Variants in ZMYM4 observed in about 807,000 individuals in gnomAD.
The protein encoded by ZMYM4 is zinc finger MYM-type containing 4, also known as zinc finger MYM-type protein 4.
In ZMYM4, 31 loss-of-function variants were observed where a neutral mutation model predicts 183.2. The ratio of observed to expected loss-of-function variants is 0.17; its 90% CI spans 0.13 to 0.23. The LOEUF is 0.23. Ranked by LOEUF, ZMYM4 falls within the 10% of genes least tolerant of loss-of-function variation. The probability of loss-of-function intolerance (pLI) is 1.00; values close to 1 mark genes in which losing one functional copy is unlikely to be tolerated. For synonymous variants in ZMYM4, 592 were observed against 631.2 expected (o/e 0.94, Z 0.93); for missense variants, 1,273 against 1,840.3 (o/e 0.69, Z 5.64).
At chr1:35,391,490 G>T (rs1173484831) in intron 15 of ZMYM4, among the ~76,000 whole-genome samples, 1 of 152,026 alleles carries the variant, frequency 6.6e-6, no homozygotes, top group African/African-American at 2.4e-5. Context: ...AAGAATTTAA[G>T]TGTAGTCTCC....
intron 2 of ZMYM4, among the ~76,000 whole-genome samples, chr1:35,346,122 T>G (rs1643382733): frequency 6.6e-6 from 1 of 152,240 alleles, no homozygotes; most frequent in South Asian, 2.1e-4. Context: ...TTCCTTTCTT[T>G]TTAAGGCTGA....
At chr1:35,341,485 T>C (rs1643199184) in intron 2 of ZMYM4, among the ~76,000 whole-genome samples, 1 of 152,094 alleles carries the variant, frequency 6.6e-6, no homozygotes, top group Admixed American at 6.5e-5. Context: ...AGTTGTTCTT[T>C]AGTACTTTGA....
At chr1:35,320,240 G>A (rs1405732453) in intron 1 of ZMYM4, among the ~76,000 whole-genome samples, 2 of 152,132 alleles carry the variant, frequency 1.3e-5, no homozygotes, top group Non-Finnish European at 2.9e-5. Flanking sequence ...ATGACTAGAG[G>A]GCTAAACATC....
intron 28 of ZMYM4, 90 bp from the exon 29 acceptor site, chr1:35,418,353 C>A: frequency 7.1e-7 from 1 of 1,412,068 alleles, no homozygotes; most frequent in South Asian, 1.4e-5. Context: ...TGACAAAGTT[C>A]TGGCTGCGAA....
In ZMYM4 at chr1:35,397,565, G is replaced by A; in HGVS notation, c.3199+20G>A. ...AGGGAGGTTGGTATACTCTTTAAAA[G>A]TAAAGAAAGAAAAAACACGTTTTAC... On this transcript the variant is annotated intron_variant, in intron 20 of 29. Transcript: ENST00000314607. The A allele has an allele frequency of 6.4e-7, 1 of 1,566,654 alleles. No homozygotes were observed. Among genetic ancestry groups the A allele is most frequent in the South Asian group, 1.2e-5 (1 of 82,162 alleles).
intron 2 of ZMYM4, among the ~76,000 whole-genome samples, chr1:35,348,748 GTGTT>G (rs761875583): frequency 1.3e-5 from 2 of 152,096 alleles, no homozygotes; most frequent in East Asian, 3.8e-4. Context: ...AAGATTTATT[GTGTT>G]TGTTCCCAAA....
chr1:35,314,537 A>G (rs1287282849), intron 1 of ZMYM4, among the ~76,000 whole-genome samples: 2 of 151,226 alleles, frequency 1.3e-5, no homozygotes, highest in Non-Finnish European at 2.9e-5. Context: ...CACCTGCCTC[A>G]GCCTCCCAAA....
At chr1:35,402,032 G>C (rs1380147526) in intron 23 of ZMYM4, among the ~76,000 whole-genome samples, 1 of 150,314 alleles carries the variant, frequency 6.7e-6, no homozygotes, top group Non-Finnish European at 1.5e-5. Context: ...TGGAAATTAA[G>C]AGTGTAAATC....
At position 35,306,251 on chromosome 1, in the gene ZMYM4, TATATC is replaced by T. The variant is rs1406782576; in HGVS notation, c.40-19106_40-19102del. On this transcript the variant is annotated intron_variant, in intron 1 of 29. Coordinates refer to ENST00000314607, the MANE Select transcript of ZMYM4 (RefSeq NM_005095.3). ...CTTTTAAGTTATTATCTTTAAAAAT[TATATC>T]ATTTATAGAACCTGTAGAATAGTAT... is the stretch of plus-strand genomic sequence containing the variant. 6.6e-5 allele frequency among the ~76,000 whole-genome samples: 10 copies of T among 152,308 alleles called. No homozygotes were observed. In the East Asian group the frequency reaches 1.7e-3, roughly 26 times the overall value.
intron 1 of ZMYM4, among the ~76,000 whole-genome samples, chr1:35,272,917 T>C (rs1557881986): frequency 2.0e-5 from 3 of 152,134 alleles, no homozygotes; most frequent in Non-Finnish European, 4.4e-5. Context: ...GGTTTCACCA[T>C]GTTAGCCAGG....
chr1:35,384,037 A>G (rs1049655789), intron 9 of ZMYM4, among the ~76,000 whole-genome samples: 6 of 152,214 alleles, frequency 3.9e-5, no homozygotes, highest in African/African-American at 1.2e-4. Context: ...TTCCTTATAT[A>G]TAATTCATTC....
intron 1 of ZMYM4, among the ~76,000 whole-genome samples, chr1:35,321,848 G>A (rs1208021249): frequency 6.6e-6 from 1 of 151,728 alleles, no homozygotes; most frequent in Non-Finnish European, 1.5e-5. Flanking sequence ...TTTTAACCTA[G>A]TGATCTTTTT....
At chr1:35,390,225 G>A (rs1644674469) in intron 15 of ZMYM4, 127 bp downstream of exon 15, 2 of 1,082,650 alleles carry the variant, frequency 1.8e-6, no homozygotes, top group African/African-American at 1.6e-5. Context: ...CTTGTATTCT[G>A]TATCAATAAC....
intron 1 of ZMYM4, among the ~76,000 whole-genome samples, chr1:35,315,129 T>A (rs967996609): frequency 6.6e-6 from 1 of 151,906 alleles, no homozygotes; most frequent in Non-Finnish European, 1.5e-5. Context: ...ATTCTCTATA[T>A]TCAGTGATAC....
intron 1 of ZMYM4, among the ~76,000 whole-genome samples, chr1:35,270,417 AACTT>A (rs1234961123): frequency 3.3e-5 from 5 of 152,176 alleles, no homozygotes; most frequent in Admixed American, 2.6e-4. Flanking sequence ...AATATTATAA[AACTT>A]ACGGGGAGCA....
At position 35,271,857 on chromosome 1, in the gene ZMYM4, A is replaced by G. The variant is rs568309057; in HGVS notation, c.39+2772A>G. Among the ~76,000 whole-genome samples, 175 of 152,244 alleles carry G rather than the reference A, an allele frequency of 1.1e-3. 2 individuals carry two copies. The highest frequency in any genetic ancestry group is 0.011 in the Admixed American group (172 of 15,280). On this transcript the variant is annotated intron_variant, in intron 1 of 29. Transcript: ENST00000314607. The stretch of plus-strand genomic sequence containing the variant: ...CACATGCTTCTAGTCCTCGCTATTC[A>G]GAGGTTGAGGTGGGAGCATTGCTTG...
chr1:35,369,286 TGTA>T (rs1388734934), intron 5 of ZMYM4, among the ~76,000 whole-genome samples: 1 of 152,204 alleles, frequency 6.6e-6, no homozygotes, highest in Non-Finnish European at 1.5e-5. Context: ...ACTGAAAGGT[TGTA>T]GTAGAACTCA....
rs578244059 is a variant in ZMYM4 at position 35,380,338 on chromosome 1, A to T, written c.1182-921A>T. On this transcript the variant is annotated intron_variant, in intron 7 of 29. Coordinates refer to ENST00000314607, the MANE Select transcript of ZMYM4 (RefSeq NM_005095.3). ...ATTTTATTTATTTATTTATTTATTT[A>T]TTTTTTTGAGACAGAGTCTCGCTCT... Among the ~76,000 whole-genome samples the T allele has an allele frequency of 4.0e-3, 606 of 151,146 alleles. 5 individuals carry two copies. The highest frequency in any genetic ancestry group is 0.013 in the African/African-American group (520 of 41,168).
intron 7 of ZMYM4, among the ~76,000 whole-genome samples, chr1:35,372,678 T>C (rs571222101): frequency 6.6e-6 from 1 of 152,196 alleles, no homozygotes; most frequent in African/African-American, 2.4e-5. Context: ...AGATTTTGGA[T>C]TTTTAAAAAG....
Sources: gnomAD v4.1 joint callset for allele counts (sites outside exome capture counted in the v4.1 genomes callset) on GRCh38, gnomAD v4.1.1 for gene constraint, MANE v1.5 for transcripts, NCBI Gene and HGNC (gene_info 2026-07-23, HGNC 2026-07-21) for gene names.